Variants in CSMD3 observed in about 807,000 individuals in gnomAD.
CSMD3 encodes CUB and Sushi multiple domains 3, also known as CUB and sushi domain-containing protein 3.
CSMD3 carries 177 observed loss-of-function variants against 435.2 expected under a neutral mutation model. The ratio of observed to expected loss-of-function variants is 0.41; its 90% CI spans 0.36 to 0.46. The LOEUF (loss-of-function observed/expected upper bound fraction) is 0.46, where lower values mean the gene tolerates loss of function less well. Among genes scored for constraint, CSMD3 ranks in the 20% least tolerant of loss-of-function variants. CSMD3 has a pLI of 0.34. For synonymous variants in CSMD3, 1,656 were observed against 1,520.5 expected (o/e 1.09, Z -2.07); for missense variants, 4,265 against 4,504.6 (o/e 0.95, Z 1.52).
intron 13 of CSMD3, among the ~76,000 whole-genome samples, chr8:112,721,019 C>T (rs1369773305): frequency 6.6e-6 from 1 of 152,090 alleles, no homozygotes; most frequent in African/African-American, 2.4e-5. Flanking sequence ...CCCTACAGTG[C>T]TTTAACAGTA....
chr8:113,012,927 G>A lies in CSMD3; in HGVS notation c.1030+6140C>T, dbSNP rs1477444557. ...TGAGAGTTATAACATTAGAGTAGGG[G>A]TTCATGACTAGAATGGTGGGATATA... On this transcript the variant is annotated intron_variant, in intron 6 of 70. Coordinates refer to ENST00000297405, the MANE Select transcript of CSMD3 (RefSeq NM_198123.2). 2.6e-5 allele frequency among the ~76,000 whole-genome samples: 4 copies of A among 152,062 alleles called. No individual in the cohort carries two copies. In the East Asian group the frequency reaches 7.7e-4, roughly 29 times the overall value.
chr8:113,090,207 T>G (rs2131505102), intron 5 of CSMD3, among the ~76,000 whole-genome samples: 1 of 152,186 alleles, frequency 6.6e-6, no homozygotes, highest in East Asian at 1.9e-4. Context: ...TAAGAGAAAT[T>G]AGTCAAGTTA....
chr8:113,218,681 A>C (rs2132117582), intron 3 of CSMD3, among the ~76,000 whole-genome samples: 1 of 151,378 alleles, frequency 6.6e-6, no homozygotes, highest in Admixed American at 6.6e-5. Context: ...ATGGAAGGAA[A>C]ATTTCTCAGT....
chr8:112,342,025 C>A (rs2130996371), intron 41 of CSMD3, among the ~76,000 whole-genome samples: 1 of 152,142 alleles, frequency 6.6e-6, no homozygotes, highest in South Asian at 2.1e-4. Flanking sequence ...GAGGAAAAGG[C>A]CGCTTTTGGC....
chr8:113,341,489 G>A (rs2094118365), intron 1 of CSMD3, among the ~76,000 whole-genome samples: 1 of 152,090 alleles, frequency 6.6e-6, no homozygotes, highest in Non-Finnish European at 1.5e-5. Flanking sequence ...CACTGTACTA[G>A]ACATTAGATT....
At chr8:113,118,294 A>G (rs1409293867) in intron 4 of CSMD3, among the ~76,000 whole-genome samples, 1 of 152,230 alleles carries the variant, frequency 6.6e-6, no homozygotes, top group African/African-American at 2.4e-5. Context: ...CTTATGGCAT[A>G]TATCTAAAGA....
At chr8:112,860,872 G>A (rs2080808402) in intron 10 of CSMD3, among the ~76,000 whole-genome samples, 1 of 133,558 alleles carries the variant, frequency 7.5e-6, no homozygotes, top group Non-Finnish European at 1.6e-5. Flanking sequence ...TTTGTTCAAT[G>A]GTTTCTCTGA....
intron 5 of CSMD3, among the ~76,000 whole-genome samples, chr8:113,067,852 A>G (rs1377043875): frequency 6.6e-6 from 1 of 152,106 alleles, no homozygotes; most frequent in Non-Finnish European, 1.5e-5. Context: ...ACTTGAAGAT[A>G]ATAAATGGTC....
intron 29 of CSMD3, 60 bp from the exon 30 acceptor site, chr8:112,504,037 CTGT>C (rs1270081719): frequency 9.4e-7 from 1 of 1,068,238 alleles, no homozygotes; most frequent in Admixed American, 1.9e-5. Flanking sequence ...TATTATTAGG[CTGT>C]TAACCATAAT....
At chr8:113,386,443 A>T (rs1322102916) in intron 1 of CSMD3, among the ~76,000 whole-genome samples, 1 of 151,940 alleles carries the variant, frequency 6.6e-6, no homozygotes, top group Non-Finnish European at 1.5e-5. Context: ...GACAATTTAG[A>T]TCACTACATG....
At chr8:112,705,486 T>C (rs2076480107) in intron 13 of CSMD3, among the ~76,000 whole-genome samples, 1 of 152,074 alleles carries the variant, frequency 6.6e-6, no homozygotes, top group Admixed American at 6.6e-5. Context: ...TGGATCTTCA[T>C]TTCTTGAGGA....
At chr8:113,052,107 T>A (rs1303858476) in intron 5 of CSMD3, among the ~76,000 whole-genome samples, 1 of 152,204 alleles carries the variant, frequency 6.6e-6, no homozygotes, top group Non-Finnish European at 1.5e-5. Context: ...TGTAGTTACA[T>A]ATTTAATAAG....
At chr8:113,114,759 G>A (rs1425921175) in intron 4 of CSMD3, among the ~76,000 whole-genome samples, 1 of 152,084 alleles carries the variant, frequency 6.6e-6, no homozygotes, top group Non-Finnish European at 1.5e-5. Flanking sequence ...ATGTTCTCTA[G>A]GTGTTTCTGA....
chr8:113,221,553 C>T (rs2092967045), intron 3 of CSMD3, among the ~76,000 whole-genome samples: 2 of 151,022 alleles, frequency 1.3e-5, no homozygotes, highest in Admixed American at 1.3e-4. Context: ...AAAGAGACCC[C>T]AGGTTATCTT....
chr8:112,510,080 A>G (rs1332054899), intron 28 of CSMD3, among the ~76,000 whole-genome samples: 4 of 152,030 alleles, frequency 2.6e-5, no homozygotes, highest in African/African-American at 7.2e-5. Context: ...CTTATATCCA[A>G]TCTATCAAGA....
At chr8:112,761,235 T>A (rs1381404441) in intron 13 of CSMD3, among the ~76,000 whole-genome samples, 1 of 152,104 alleles carries the variant, frequency 6.6e-6, no homozygotes, top group African/African-American at 2.4e-5. Flanking sequence ...AACAGTAATA[T>A]CTCTATCATT....
At chr8:112,694,415 C>T (rs1409489390) in intron 13 of CSMD3, among the ~76,000 whole-genome samples, 1 of 152,022 alleles carries the variant, frequency 6.6e-6, no homozygotes, top group Non-Finnish European at 1.5e-5. Context: ...TGTAAATGTT[C>T]TCTTTTCATT....
intron 6 of CSMD3, among the ~76,000 whole-genome samples, chr8:112,997,373 T>C (rs2085693044): frequency 6.6e-6 from 1 of 151,664 alleles, no homozygotes; most frequent in Non-Finnish European, 1.5e-5. Flanking sequence ...CTCATCTCAC[T>C]CAATCCAATT....
At chr8:113,204,981 G>A (rs762748184) in intron 3 of CSMD3, among the ~76,000 whole-genome samples, 2 of 145,480 alleles carry the variant, frequency 1.4e-5, no homozygotes, top group Non-Finnish European at 3.0e-5. Flanking sequence ...CTTGTGCAGG[G>A]GAACTCCTTT....
Sources: gnomAD v4.1 joint callset for allele counts (sites outside exome capture counted in the v4.1 genomes callset) on GRCh38, gnomAD v4.1.1 for gene constraint, MANE v1.5 for transcripts, NCBI Gene and HGNC (gene_info 2026-07-23, HGNC 2026-07-21) for gene names.